The following ADCY2 variants were observed in gnomAD, a reference collection of about 807,000 sequenced individuals.
ADCY2 encodes the protein adenylate cyclase type 2.
Under a neutral mutation model 125.2 loss-of-function variants are expected in ADCY2, and 31 were observed. The ratio of observed to expected loss-of-function variants is 0.25; its 90% CI spans 0.19 to 0.33. The LOEUF is 0.33. Among genes scored for constraint, ADCY2 ranks in the 10% least tolerant of loss-of-function variants. The pLI is 1.00. For synonymous variants in ADCY2, 512 were observed against 548.4 expected, an observed-to-expected ratio of 0.93 and a Z score of 0.93; for missense variants, 904 against 1,418.2, an observed-to-expected ratio of 0.64 and a Z score of 5.82.
At chr5:7,774,040 A>G (rs1303474006) in intron 18 of ADCY2, among the ~76,000 whole-genome samples, 1 of 152,242 alleles carries the variant, frequency 6.6e-6, no homozygotes, top group Non-Finnish European at 1.5e-5. Flanking sequence ...TTAAAATAAT[A>G]TAAATGCCTT....
chr5:7,707,789 C>T lies in ADCY2; in HGVS notation c.1352C>T (p.Pro451Leu). ...GAGGGAGATGGTGACATTAGGGACCCATATTTAAAACAGCACCTGGTGAAA... is the reference window on the plus strand; with the variant it reads ...GAGGGAGATGGTGACATTAGGGACCTATATTTAAAACAGCACCTGGTGAAA... Reference protein sequence around the residue: ...VEEGDGDIRDPYLKQHLVKTY... With the variant: ...VEEGDGDIRDLYLKQHLVKTY... Residue 451 changes from proline to leucine, a missense_variant, in exon 9 of 25, where the codon CCA becomes CTA. Transcript: ENST00000338316. The T allele has an allele frequency of 6.2e-7, 1 of 1,614,108 alleles. No homozygotes were observed.
At chr5:7,668,449 TAGAC>T (rs1472140577) in intron 4 of ADCY2, among the ~76,000 whole-genome samples, 7 of 152,200 alleles carry the variant, frequency 4.6e-5, no homozygotes, top group African/African-American at 1.7e-4. Flanking sequence ...AATAGACAGA[TAGAC>T]AGCAATGGAC....
intron 14 of ADCY2, among the ~76,000 whole-genome samples, chr5:7,727,578 CAA>C (rs1412687436): frequency 6.6e-6 from 1 of 152,134 alleles, no homozygotes; most frequent in Non-Finnish European, 1.5e-5. Context: ...ACTTTACCCA[CAA>C]AGAGTGCAAT....
intron 7 of ADCY2, 36 bp from the exon 8 acceptor site, chr5:7,706,708 G>A: frequency 1.9e-6 from 3 of 1,609,208 alleles, no homozygotes; most frequent in Non-Finnish European, 2.6e-6. Context: ...AACAGTGGAT[G>A]TTACTTGATC....
intron 18 of ADCY2, among the ~76,000 whole-genome samples, chr5:7,777,628 ACT>A (rs1453349312): frequency 1.3e-5 from 2 of 152,196 alleles, no homozygotes; most frequent in African/African-American, 2.4e-5. Context: ...CTTCCTCTGT[ACT>A]TTGTCCTGCA....
At chr5:7,785,100 G>C (rs927341945) in intron 19 of ADCY2, among the ~76,000 whole-genome samples, 1 of 152,176 alleles carries the variant, frequency 6.6e-6, no homozygotes, top group African/African-American at 2.4e-5. Flanking sequence ...TCCACAGTCT[G>C]TTTTAAGTTC....
chr5:7,532,981 T>A (rs960548943), intron 3 of ADCY2, among the ~76,000 whole-genome samples: 4 of 151,002 alleles, frequency 2.6e-5, no homozygotes, highest in Non-Finnish European at 5.9e-5. Flanking sequence ...CACATTTATA[T>A]GTAAATATGT....
chr5:7,749,129 T>C (rs1382149988), intron 15 of ADCY2, among the ~76,000 whole-genome samples: 3 of 152,182 alleles, frequency 2.0e-5, no homozygotes, highest in Admixed American at 6.5e-5. Flanking sequence ...CAAAATCACA[T>C]TGGTAAGTCA....
intron 6 of ADCY2, among the ~76,000 whole-genome samples, chr5:7,697,116 T>A (rs4527570): frequency 0.82 from 124,740 of 151,822 alleles, 51,564 homozygotes; most frequent in South Asian, 0.86. Context: ...TTCTTAGAGG[T>A]TAAGGGCCCA....
At chr5:7,449,032 T>C (rs1741379680) in intron 2 of ADCY2, among the ~76,000 whole-genome samples, 1 of 152,226 alleles carries the variant, frequency 6.6e-6, no homozygotes. Context: ...TTTCTGCTTC[T>C]AGACCTCTGA....
At chr5:7,781,146 C>A (rs1743911307) in intron 18 of ADCY2, among the ~76,000 whole-genome samples, 1 of 152,064 alleles carries the variant, frequency 6.6e-6, no homozygotes, top group Admixed American at 6.5e-5. Flanking sequence ...CACATGAGAT[C>A]TGAAGTAGAT....
At chr5:7,701,764 T>G (rs543647725) in intron 7 of ADCY2, among the ~76,000 whole-genome samples, 2 of 152,260 alleles carry the variant, frequency 1.3e-5, no homozygotes, top group Non-Finnish European at 2.9e-5. Flanking sequence ...CTTTTGTGTT[T>G]GGCTTCTGTC....
At chr5:7,589,253 T>G (rs1006070079) in intron 3 of ADCY2, among the ~76,000 whole-genome samples, 1 of 151,720 alleles carries the variant, frequency 6.6e-6, no homozygotes, top group South Asian at 2.1e-4. Flanking sequence ...AGTAAAAGGC[T>G]AGGGAAAACA....
Position 7,707,716 on chromosome 5 carries a change from A to G in ADCY2, c.1279A>G (p.Ile427Val). 2 of 1,614,072 alleles carry G rather than the reference A, an allele frequency of 1.2e-6. No individual in the cohort carries two copies. Among genetic ancestry groups the G allele is most frequent in the Non-Finnish European group, 1.7e-6 (2 of 1,179,998 alleles). Residue 427 changes from isoleucine to valine, a missense_variant, in exon 9 of 25, where the codon ATT becomes GTT. By Grantham distance (29) the Ile-to-Val change is conservative. Around this residue, in one of 7 missense-constraint regions of ADCY2, gnomAD observed 144 missense variants for 227.7 expected, o/e 0.63. Transcript: ENST00000338316. ...EAGGVPGRVH[I>V]SSVTLEHLNG... ...AAAATGCAATTTCAGACGTGTTCAC[A>G]TTTCTTCTGTCACCCTGGAGCACTT...
intron 3 of ADCY2, among the ~76,000 whole-genome samples, chr5:7,537,984 G>A (rs77245811): frequency 0.016 from 2,469 of 152,170 alleles, 86 homozygotes; most frequent in African/African-American, 0.056. Context: ...GATAGCCCAC[G>A]AGCCTATCCC....
intron 16 of ADCY2, among the ~76,000 whole-genome samples, 162 bp downstream of exon 16, chr5:7,757,748 G>A (rs761597387): frequency 6.6e-6 from 1 of 152,190 alleles, no homozygotes; most frequent in Admixed American, 6.5e-5. Context: ...CTCACAGCAG[G>A]CAGGGCGTTC....
chr5:7,599,102 A>G (rs1737111662), intron 3 of ADCY2, among the ~76,000 whole-genome samples: 1 of 152,026 alleles, frequency 6.6e-6, no homozygotes, highest in Non-Finnish European at 1.5e-5. Context: ...TTGTGCAGGG[A>G]CAGCCCCCGG....
intron 3 of ADCY2, among the ~76,000 whole-genome samples, chr5:7,616,329 G>A (rs1737761498): frequency 6.6e-6 from 1 of 152,116 alleles, no homozygotes; most frequent in Non-Finnish European, 1.5e-5. Flanking sequence ...GATCCCAATG[G>A]CAGAAACTTC....
chr5:7,515,791 C>T (rs936899255), intron 2 of ADCY2, among the ~76,000 whole-genome samples: 24 of 152,082 alleles, frequency 1.6e-4, no homozygotes, highest in African/African-American at 4.1e-4. Context: ...ACTGGGGTCT[C>T]GGCTATGAGT....
Sources: gnomAD v4.1 joint callset for allele counts (sites outside exome capture counted in the v4.1 genomes callset) on GRCh38, gnomAD v4.1.1 for gene constraint, gnomAD v4.1.1 regional missense constraint, MANE v1.5 for transcripts, NCBI Gene and HGNC (gene_info 2026-07-23, HGNC 2026-07-21) for gene names.